Variants in NCAM2 observed in about 807,000 individuals in gnomAD.
The protein encoded by NCAM2 is neural cell adhesion molecule 2.
In NCAM2, 30 loss-of-function variants were observed where a neutral mutation model predicts 98.1. That is an observed-to-expected ratio of 0.31 (90% CI 0.23 to 0.41). The LOEUF (loss-of-function observed/expected upper bound fraction) is 0.41. Ranked by LOEUF, NCAM2 falls within the 10% of genes least tolerant of loss-of-function variation. NCAM2 has a pLI of 1.00. For synonymous variants in NCAM2, 368 were observed against 342.4 expected (o/e 1.07, Z -0.83); for missense variants, 867 against 1,005.8 (o/e 0.86, Z 1.87).
chr21:21,237,195 A>G (rs1356520779), intron 1 of NCAM2, among the ~76,000 whole-genome samples: 1 of 152,148 alleles, frequency 6.6e-6, no homozygotes, highest in African/African-American at 2.4e-5. Flanking sequence ...TAATCCTTTC[A>G]TTAGTCAGGC....
rs572774458 is a variant in NCAM2 at position 21,248,337 on chromosome 21, C to T, written c.56-32241C>T. On this transcript the variant is annotated intron_variant, in intron 1 of 17. Coordinates refer to ENST00000400546, the MANE Select transcript of NCAM2 (RefSeq NM_004540.5). ...GATGAATTAAATGTTAATATTCCCTCATCATTTAAATAATTTCATTTTGAT... is the reference window on the plus strand; with the variant it reads ...GATGAATTAAATGTTAATATTCCCTTATCATTTAAATAATTTCATTTTGAT... 4.6e-5 allele frequency among the ~76,000 whole-genome samples: 7 copies of T among 152,084 alleles called. No individual in the cohort carries two copies. The East Asian group carries it at 5.8e-4, about 13-fold the overall frequency.
chr21:21,151,411 G>A (rs2067444932), intron 1 of NCAM2, among the ~76,000 whole-genome samples: 1 of 152,058 alleles, frequency 6.6e-6, no homozygotes, highest in Admixed American at 6.6e-5. Context: ...TGGTTGTAGT[G>A]TATTATTAAT....
At chr21:21,209,217 T>C (rs1461320478) in intron 1 of NCAM2, among the ~76,000 whole-genome samples, 1 of 151,936 alleles carries the variant, frequency 6.6e-6, no homozygotes, top group African/African-American at 2.4e-5. Context: ...TTAGCTTGGG[T>C]TTTATTTATT....
intron 16 of NCAM2, among the ~76,000 whole-genome samples, chr21:21,524,914 T>C (rs989158055): frequency 6.6e-6 from 1 of 152,036 alleles, no homozygotes; most frequent in East Asian, 1.9e-4. Flanking sequence ...AAGTAACACA[T>C]AGGTCCAAGA....
chr21:21,413,048 G>A (rs947164028), intron 10 of NCAM2, among the ~76,000 whole-genome samples: 17 of 152,102 alleles, frequency 1.1e-4, no homozygotes, highest in African/African-American at 4.1e-4. Flanking sequence ...TTTTAAAATT[G>A]TGTGTTTTAA....
intron 10 of NCAM2, among the ~76,000 whole-genome samples, chr21:21,415,626 C>T (rs947605171): frequency 1.3e-5 from 2 of 152,156 alleles, no homozygotes; most frequent in Admixed American, 6.5e-5. Context: ...TGAGCCACCT[C>T]GCCCGGCCCT....
intron 13 of NCAM2, 35 bp from the exon 14 acceptor site, chr21:21,468,627 T>A: frequency 2.5e-6 from 4 of 1,572,176 alleles, no homozygotes; most frequent in Non-Finnish European, 3.5e-6. Flanking sequence ...ATCTGAAATG[T>A]GTGCAAATGA....
rs148959591 is a variant in NCAM2 at position 21,073,232 on chromosome 21, A to G, written c.55+74614A>G. On this transcript the variant is annotated intron_variant, in intron 1 of 17. Coordinates refer to ENST00000400546, the MANE Select transcript of NCAM2 (RefSeq NM_004540.5). ...TGTCCATTTATCTATTGATGGACAC[A>G]CTTATAAATGCTATTCACCAAGACT... Among the ~76,000 whole-genome samples the G allele has an allele frequency of 4.6e-3, 704 of 152,314 alleles. 9 individuals carry two copies. Among genetic ancestry groups the G allele is most frequent in the African/African-American group, 0.016 (661 of 41,562 alleles).
At position 21,042,872 on chromosome 21, in the gene NCAM2, T is replaced by C. The variant is rs138556967; in HGVS notation, c.55+44254T>C. On this transcript the variant is annotated intron_variant, in intron 1 of 17. Transcript: ENST00000400546. ...AATTTATTTATCTCAGAGAACATAT[T>C]ACTGTACTTTATCTGTTTGAAAGCT... Among the ~76,000 whole-genome samples, 171 of 152,320 alleles carry C rather than the reference T, an allele frequency of 1.1e-3. 2 individuals carry two copies. The highest frequency in any genetic ancestry group is 3.9e-3 in the African/African-American group (161 of 41,578).
intron 1 of NCAM2, among the ~76,000 whole-genome samples, chr21:21,138,091 C>T (rs1033746713): frequency 3.3e-5 from 5 of 152,122 alleles, no homozygotes; most frequent in African/African-American, 9.7e-5. Flanking sequence ...GTCCTATTTC[C>T]AAGCTCTGAT....
At chr21:21,498,100 A>C (rs551565964) in intron 15 of NCAM2, among the ~76,000 whole-genome samples, 1 of 152,234 alleles carries the variant, frequency 6.6e-6, no homozygotes, top group Non-Finnish European at 1.5e-5. Flanking sequence ...TAGATCTAAA[A>C]AGAGTTCCAA....
intron 1 of NCAM2, among the ~76,000 whole-genome samples, chr21:21,026,028 A>G (rs911240682): frequency 6.6e-6 from 1 of 152,182 alleles, no homozygotes; most frequent in African/African-American, 2.4e-5. Context: ...TGTTTTATCT[A>G]AAGTCATTTA....
intron 1 of NCAM2, among the ~76,000 whole-genome samples, chr21:21,189,327 G>T (rs1448661915): frequency 6.6e-6 from 1 of 152,100 alleles, no homozygotes; most frequent in Non-Finnish European, 1.5e-5. Context: ...CTTAAAGGGT[G>T]CCTTTGAAGT....
At chr21:21,029,032 T>C (rs1488075592) in intron 1 of NCAM2, among the ~76,000 whole-genome samples, 2 of 152,198 alleles carry the variant, frequency 1.3e-5, no homozygotes, top group African/African-American at 4.8e-5. Context: ...TTTTAAACTA[T>C]CTTGAAATGT....
At chr21:21,315,235 C>T (rs754341732) in intron 5 of NCAM2, among the ~76,000 whole-genome samples, 1 of 152,076 alleles carries the variant, frequency 6.6e-6, no homozygotes, top group Non-Finnish European at 1.5e-5. Context: ...GGAGGTTTAC[C>T]TTTTAGTTAA....
chr21:21,105,768 T>A (rs544711061), intron 1 of NCAM2, among the ~76,000 whole-genome samples: 1 of 152,274 alleles, frequency 6.6e-6, no homozygotes, highest in East Asian at 1.9e-4. Context: ...AAAGCCAATC[T>A]GCAAAGTCCA....
At chr21:21,428,359 T>A (rs1735914797) in intron 11 of NCAM2, among the ~76,000 whole-genome samples, 1 of 152,208 alleles carries the variant, frequency 6.6e-6, no homozygotes, top group African/African-American at 2.4e-5. Context: ...GACCAGTATC[T>A]TTGCATACAC....
Position 21,348,088 on chromosome 21 carries a change from A to G in NCAM2, c.1044+9554A>G, listed in dbSNP as rs1965786635. On this transcript the variant is annotated intron_variant, in intron 8 of 17. Coordinates refer to ENST00000400546, the MANE Select transcript of NCAM2 (RefSeq NM_004540.5). ...TGCCTACTGTCACCACTGTTATTCA[A>G]CTTAATAATCAAAGTACCAACTAGA... 4.6e-5 allele frequency among the ~76,000 whole-genome samples: 7 copies of G among 152,072 alleles called. No individual in the cohort carries two copies. In the South Asian group the frequency reaches 1.5e-3, roughly 32 times the overall value.
At chr21:21,082,246 A>G (rs2065819915) in intron 1 of NCAM2, among the ~76,000 whole-genome samples, 1 of 134,680 alleles carries the variant, frequency 7.4e-6, no homozygotes, top group African/African-American at 2.9e-5. Context: ...AAAAAAAAGA[A>G]TTCTCTCATG....
Sources: allele counts gnomAD v4.1 joint callset (sites outside exome capture counted in the v4.1 genomes callset), GRCh38; gene constraint gnomAD v4.1.1; transcripts MANE v1.5; gene names NCBI Gene and HGNC (gene_info 2026-07-23, HGNC 2026-07-21).